DYRK1A: variants seen among roughly 807,000 people sequenced by gnomAD.
DYRK1A encodes the protein dual specificity tyrosine phosphorylation regulated kinase 1A.
In DYRK1A, 9 loss-of-function variants were observed where a neutral mutation model predicts 79.7. The ratio of observed to expected loss-of-function variants is 0.11; its 90% CI spans 0.07 to 0.20. The LOEUF is 0.20. Ranked by LOEUF, DYRK1A falls within the 10% of genes least tolerant of loss-of-function variation. DYRK1A has a pLI of 1.00. For missense variants in DYRK1A, 622 were observed against 956.0 expected, an observed-to-expected ratio of 0.65 and a Z score of 4.61; for synonymous variants, 349 against 329.7, an observed-to-expected ratio of 1.06 and a Z score of -0.63.
chr21:37,415,485 G>A (rs943207307), intron 1 of DYRK1A: 1 of 151,642 alleles, frequency 6.6e-6, no homozygotes, highest in Non-Finnish European at 1.5e-5. Context: ...TTCTTTTTGA[G>A]ACAGGATCTC....
At chr21:37,384,091 TTTCACACCTCAG>T (rs2049712787) in intron 1 of DYRK1A, among the ~76,000 whole-genome samples, 1 of 151,978 alleles carries the variant, frequency 6.6e-6, no homozygotes, top group South Asian at 2.1e-4. Flanking sequence ...TGAAGGCACT[TTTCACACCTCAG>T]TGCAGGAAGG....
chr21:37,384,964 T>C (rs2049730970), intron 1 of DYRK1A, among the ~76,000 whole-genome samples: 1 of 152,040 alleles, frequency 6.6e-6, no homozygotes, highest in South Asian at 2.1e-4. Context: ...GTAATAGAAT[T>C]AGCAGACAAG....
At chr21:37,404,828 G>T (rs763624136) in intron 1 of DYRK1A, among the ~76,000 whole-genome samples, 1 of 152,174 alleles carries the variant, frequency 6.6e-6, no homozygotes, top group Non-Finnish European at 1.5e-5. Context: ...TTTAATAGCC[G>T]TTAGGCATAC....
chr21:37,372,053 C>G (rs566304744), intron 1 of DYRK1A, among the ~76,000 whole-genome samples: 1 of 151,998 alleles, frequency 6.6e-6, no homozygotes, highest in African/African-American at 2.4e-5. Context: ...TATGCATTTT[C>G]TCTTCTGGGT....
intron 2 of DYRK1A, among the ~76,000 whole-genome samples, chr21:37,430,820 C>G (rs866765727): frequency 2.0e-5 from 3 of 152,168 alleles, no homozygotes; most frequent in Non-Finnish European, 2.9e-5. Flanking sequence ...GTTTGAGCGG[C>G]TGGGACTCAG....
chr21:37,417,850 T>TA (rs2050387364), intron 1 of DYRK1A, among the ~76,000 whole-genome samples: 1 of 152,234 alleles, frequency 6.6e-6, no homozygotes, highest in South Asian at 2.1e-4. Context: ...AGCTAGAACA[T>TA]ACTGTAGAAG....
At chr21:37,382,536 G>A (rs1045871535) in intron 1 of DYRK1A, among the ~76,000 whole-genome samples, 4 of 152,130 alleles carry the variant, frequency 2.6e-5, no homozygotes, top group Non-Finnish European at 4.4e-5. Context: ...TGGTAACATA[G>A]GGAGTGTGGG....
chr21:37,470,931 G>A (rs778214250), intron 2 of DYRK1A, among the ~76,000 whole-genome samples: 2 of 152,174 alleles, frequency 1.3e-5, no homozygotes, highest in Non-Finnish European at 1.5e-5. Flanking sequence ...CACCACAGTT[G>A]TACTATCCTT....
At position 37,446,359 on chromosome 21, in the gene DYRK1A, A is replaced by G. The variant is rs146441308; in HGVS notation, c.10+25975A>G. Among the ~76,000 whole-genome samples, 1,065 of 152,302 alleles carry G rather than the reference A, an allele frequency of 7.0e-3. 12 individuals are homozygous for G. Among genetic ancestry groups the G allele is most frequent in the African/African-American group, 0.025 (1,022 of 41,554 alleles). The stretch of plus-strand genomic sequence containing the variant: ...GCATTACTATTAAGATAAATACTGT[A>G]GTGGATGCAACTCTTAAAAAAGCTA... On this transcript the variant is annotated intron_variant, in intron 2 of 11. Transcript: ENST00000647188.
In DYRK1A at chr21:37,513,284, G is replaced by T. The variant is rs894168478; in HGVS notation, c.*753G>T. ...GAACGTGACTGGTCTCCTAACCAAG[G>T]TGCACTGAGAAGCAATCAACGGGTC... On this transcript the variant is annotated 3_prime_UTR_variant, in exon 12 of 12. Coordinates refer to ENST00000647188, the MANE Select transcript of DYRK1A (RefSeq NM_001347721.2). The T allele has an allele frequency of 2.6e-5, 4 of 152,736 alleles. No homozygotes were observed. Among genetic ancestry groups the T allele is most frequent in the African/African-American group, 9.7e-5 (4 of 41,438 alleles). 9.5% of individuals were successfully genotyped at this position (152,736 alleles called of 1,614,324 possible). A position where few individuals can be genotyped will look rare whatever the true frequency, so the allele number is the denominator to read the frequency against.
At chr21:37,382,220 A>T (rs1009042939) in intron 1 of DYRK1A, among the ~76,000 whole-genome samples, 25 of 149,694 alleles carry the variant, frequency 1.7e-4, no homozygotes, top group African/African-American at 4.9e-4. Flanking sequence ...TTTTTTTTTA[A>T]AAAAAAAAAT....
chr21:37,396,782 A>T (rs1266659482), intron 1 of DYRK1A, among the ~76,000 whole-genome samples: 2 of 152,156 alleles, frequency 1.3e-5, no homozygotes, highest in Non-Finnish European at 2.9e-5. Flanking sequence ...AATGTCCTCA[A>T]CTGATGTAGT....
chr21:37,380,294 T>G (rs868390348), intron 1 of DYRK1A, among the ~76,000 whole-genome samples: 1 of 152,236 alleles, frequency 6.6e-6, no homozygotes, highest in African/African-American at 2.4e-5. Context: ...ATGTTCGTTA[T>G]TGAGAGACAT....
chr21:37,436,002 C>G (rs568585834), intron 2 of DYRK1A, among the ~76,000 whole-genome samples: 1 of 151,320 alleles, frequency 6.6e-6, no homozygotes, highest in Non-Finnish European at 1.5e-5. Flanking sequence ...AAAAAAAAAT[C>G]AGTTCTTTGT....
Position 37,418,539 on chromosome 21 carries a change from A to C in DYRK1A, c.-76-1760A>C, listed in dbSNP as rs1182085115. Among the ~76,000 whole-genome samples, 5 of 152,324 alleles carry C rather than the reference A, an allele frequency of 3.3e-5. No individual in the cohort carries two copies. The South Asian group carries it at 6.2e-4, about 19-fold the overall frequency. On this transcript the variant is annotated intron_variant, in intron 1 of 11. Coordinates refer to ENST00000647188, the MANE Select transcript of DYRK1A (RefSeq NM_001347721.2). ...GCATTGTAACATTTTCTGGGTGAAG[A>C]ATATGATGTTGAGAGCCTAAAGGAT...
intron 1 of DYRK1A, among the ~76,000 whole-genome samples, chr21:37,397,023 C>T (rs1359010420): frequency 6.6e-6 from 1 of 152,170 alleles, no homozygotes; most frequent in African/African-American, 2.4e-5. Context: ...TGTGTTGTCT[C>T]TGTACTAGCT....
chr21:37,417,517 C>CTTTTTCTTTTTCTTTTTT (rs2050369302), intron 1 of DYRK1A, among the ~76,000 whole-genome samples: 2 of 52,254 alleles, frequency 3.8e-5, no homozygotes, highest in Non-Finnish European at 6.9e-5. Flanking sequence ...TTTTCTTTTT[C>CTTTTTCTTTTTCTTTTTT]TTTTTCTTTT....
intron 2 of DYRK1A, among the ~76,000 whole-genome samples, chr21:37,442,865 C>T (rs2051150214): frequency 6.6e-6 from 1 of 152,098 alleles, no homozygotes; most frequent in Non-Finnish European, 1.5e-5. Context: ...GACAGGGTCT[C>T]ACTCTGTCAC....
chr21:37,500,351 T>TAAGGGA (rs1462876535), intron 9 of DYRK1A, among the ~76,000 whole-genome samples: 5 of 152,248 alleles, frequency 3.3e-5, no homozygotes, highest in Admixed American at 6.5e-5. Context: ...TTCCCTTATA[T>TAAGGGA]ATATTGCTCA....
Sources: allele counts gnomAD v4.1 joint callset (sites outside exome capture counted in the v4.1 genomes callset), GRCh38; gene constraint gnomAD v4.1.1; transcripts MANE v1.5; gene names NCBI Gene and HGNC (gene_info 2026-07-23, HGNC 2026-07-21).